The following SRRM4 variants were observed in gnomAD, a reference collection of about 807,000 sequenced individuals.
SRRM4 encodes the protein serine/arginine repetitive matrix protein 4.
Under a neutral mutation model 68.9 loss-of-function variants are expected in SRRM4, and 33 were observed. The ratio of observed to expected loss-of-function variants is 0.48; its 90% CI spans 0.36 to 0.64. The LOEUF (loss-of-function observed/expected upper bound fraction) is 0.64, where lower values mean the gene tolerates loss of function less well. Among genes scored for constraint, SRRM4 ranks in the 30% least tolerant of loss-of-function variants. The pLI is 0.00. For synonymous variants in SRRM4, 318 were observed against 318.8 expected (o/e 1.00, Z 0.03); for missense variants, 817 against 827.1 (o/e 0.99, Z 0.15).
intron 1 of SRRM4, among the ~76,000 whole-genome samples, chr12:119,067,139 C>T (rs1476511746): frequency 7.7e-6 from 1 of 129,240 alleles, no homozygotes; most frequent in African/African-American, 2.8e-5. Context: ...CCAAATTATC[C>T]ACTTTCCTTC....
chr12:119,047,306 A>C (rs1011125294), intron 1 of SRRM4, among the ~76,000 whole-genome samples: 10 of 152,188 alleles, frequency 6.6e-5, no homozygotes, highest in African/African-American at 2.4e-4. Flanking sequence ...TAAAAGATTA[A>C]TCATTTCTTT....
intron 1 of SRRM4, among the ~76,000 whole-genome samples, chr12:119,021,783 T>C (rs528070745): frequency 1.3e-5 from 2 of 152,382 alleles, no homozygotes; most frequent in East Asian, 3.9e-4. Context: ...GGCTGCATAG[T>C]ATTCCATGGT....
rs201605465 is a variant in SRRM4, at chr12:119,056,805, CAT to C, written c.132-45428_132-45427del. Among the ~76,000 whole-genome samples the C allele has an allele frequency of 7.8e-3, 1,184 of 152,202 alleles. 10 individuals are homozygous for C. The highest frequency in any genetic ancestry group is 0.017 in the Middle Eastern group (5 of 294). On this transcript the variant is annotated intron_variant, in intron 1 of 12. Coordinates refer to ENST00000267260, the MANE Select transcript of SRRM4 (RefSeq NM_194286.4). Reference sequence around the variant, plus strand: ...TGCACATATCACAAATATAATTACACATATTTTTTCCCAGAGCACTTATTTAT... The same window carrying C: ...TGCACATATCACAAATATAATTACACATTTTTTCCCAGAGCACTTATTTAT...
At chr12:119,055,778 A>G (rs1953772313) in intron 1 of SRRM4, among the ~76,000 whole-genome samples, 1 of 152,204 alleles carries the variant, frequency 6.6e-6, no homozygotes, top group South Asian at 2.1e-4. Flanking sequence ...AACCTCTCTG[A>G]ACTTCAGTTT....
In SRRM4 at chr12:119,089,788, T is replaced by C. The variant is rs148624384; in HGVS notation, c.132-12448T>C. Among the ~76,000 whole-genome samples, 647 of 152,216 alleles carry C rather than the reference T, an allele frequency of 4.3e-3. 3 individuals carry two copies. The highest frequency in any genetic ancestry group is 0.017 in the Middle Eastern group (5 of 294). On this transcript the variant is annotated intron_variant, in intron 1 of 12. Coordinates refer to ENST00000267260, the MANE Select transcript of SRRM4 (RefSeq NM_194286.4). Reference sequence around the variant, plus strand: ...TCATCCTCACCATTATTACCATGACTATCATCATCAGTAACATTATCACCA... The same window carrying C: ...TCATCCTCACCATTATTACCATGACCATCATCATCAGTAACATTATCACCA...
At chr12:119,038,207 C>CT (rs34123754) in intron 1 of SRRM4, among the ~76,000 whole-genome samples, 116,033 of 142,572 alleles carry the variant, frequency 0.81, 47,693 homozygotes, top group Middle Eastern at 0.94. Flanking sequence ...AAATTAAAAA[C>CT]TTTTTTTTTT....
chr12:119,156,601 C>G lies in SRRM4; in HGVS notation c.1639C>G (p.Arg547Gly). The change falls in exon 13 of 13, where the codon CGC becomes GGC. Residue 547 changes from arginine (R) to glycine (G), a missense_variant. Coordinates refer to ENST00000267260, the MANE Select transcript of SRRM4 (RefSeq NM_194286.4). ...CAGCAGCAGTAGCCGCTCGGCCAGC[C>G]GCAGCTACTCCCGGAGCCGGAGTCG... is the stretch of plus-strand genomic sequence containing the variant. ...YSSSSSRSASRSYSRSRSRSR... is the reference protein window; with the variant it reads ...YSSSSSRSASGSYSRSRSRSR... 6.2e-7 allele frequency: 1 copy of G among 1,610,934 alleles called. No homozygotes were observed. Among genetic ancestry groups the G allele is most frequent in the Non-Finnish European group, 8.5e-7 (1 of 1,179,572 alleles).
intron 1 of SRRM4, among the ~76,000 whole-genome samples, chr12:119,011,133 A>T (rs769687489): frequency 1.3e-5 from 2 of 152,232 alleles, no homozygotes; most frequent in Non-Finnish European, 2.9e-5. Flanking sequence ...ATATTTAATA[A>T]AAAATGTTTT....
At position 118,982,675 on chromosome 12, in the gene SRRM4, T is replaced by A. The variant is rs1345173613; in HGVS notation, c.131+662T>A. 6.0e-3 allele frequency among the ~76,000 whole-genome samples: 572 copies of A among 94,760 alleles called. 2 individuals carry two copies. The highest frequency in any genetic ancestry group is 0.023 in the African/African-American group (540 of 23,218). 62.2% of individuals were successfully genotyped at this position (94,760 alleles called of 152,430 possible). Reference sequence around the variant, plus strand: ...CTTGGAAGAGTTTTATTTTGTTTTTTTTTGTTTTTTTTTTTTTTTTCCAAA... The same window carrying A: ...CTTGGAAGAGTTTTATTTTGTTTTTATTTGTTTTTTTTTTTTTTTTCCAAA... On this transcript the variant is annotated intron_variant, in intron 1 of 12. Coordinates refer to ENST00000267260, the MANE Select transcript of SRRM4 (RefSeq NM_194286.4).
At chr12:119,065,824 G>T (rs955273588) in intron 1 of SRRM4, among the ~76,000 whole-genome samples, 7 of 152,158 alleles carry the variant, frequency 4.6e-5, no homozygotes, top group African/African-American at 1.7e-4. Context: ...TGGATGGACA[G>T]ATAGATGGAT....
intron 9 of SRRM4, 96 bp from the exon 10 acceptor site, chr12:119,150,921 G>C (rs2136068577): frequency 2.7e-6 from 3 of 1,119,322 alleles, no homozygotes; most frequent in East Asian, 5.1e-5. Flanking sequence ...GGTTCTATGA[G>C]AGCACCACAG....
intron 1 of SRRM4, among the ~76,000 whole-genome samples, chr12:119,093,047 C>T (rs1014886299): frequency 6.6e-6 from 1 of 152,210 alleles, no homozygotes; most frequent in Non-Finnish European, 1.5e-5. Flanking sequence ...ACTCCCTCAT[C>T]ACTTTCAAGT....
At chr12:119,004,684 C>T (rs1953405207) in intron 1 of SRRM4, among the ~76,000 whole-genome samples, 1 of 151,884 alleles carries the variant, frequency 6.6e-6, no homozygotes, top group Admixed American at 6.6e-5. Context: ...AACAAGTCAG[C>T]CCGGCTGATA....
rs142009408 is a variant in SRRM4 at position 119,051,078 on chromosome 12, T to C, written c.132-51158T>C. Among the ~76,000 whole-genome samples, 477 of 152,286 alleles carry C rather than the reference T, an allele frequency of 3.1e-3. 1 individual carries two copies. The highest frequency in any genetic ancestry group is 0.011 in the African/African-American group (454 of 41,554). ...ATTTGGTAGTGGTTGGAGGTGTTTT[T>C]GGTTGTCACAACTGAGGGATTGCTA... On this transcript the variant is annotated intron_variant, in intron 1 of 12. Transcript: ENST00000267260.
At position 119,095,628 on chromosome 12, in the gene SRRM4, A is replaced by G. The variant is rs1358257943; in HGVS notation, c.132-6608A>G. Among the ~76,000 whole-genome samples the G allele has an allele frequency of 3.3e-5, 5 of 152,052 alleles. No individual in the cohort carries two copies. In the East Asian group the frequency reaches 7.7e-4, roughly 24 times the overall value. The stretch of plus-strand genomic sequence containing the variant: ...GCAATAAATGTCAGCGATGTCTCCA[A>G]TCTCCTGGCCAACTGCCATTTCTGT... On this transcript the variant is annotated intron_variant, in intron 1 of 12. Transcript: ENST00000267260.
intron 7 of SRRM4, among the ~76,000 whole-genome samples, chr12:119,129,872 A>AATGGATGG (rs112594447): frequency 0.095 from 13,048 of 136,862 alleles, 699 homozygotes; most frequent in Admixed American, 0.12. Context: ...TAGTTGGACA[A>AATGGATGG]ATGGATGGAT....
chr12:119,139,485 A>G (rs889519569), intron 8 of SRRM4, among the ~76,000 whole-genome samples: 1 of 152,192 alleles, frequency 6.6e-6, no homozygotes, highest in Non-Finnish European at 1.5e-5. Flanking sequence ...AAATGCTCCT[A>G]CCACCTGGAA....
intron 1 of SRRM4, among the ~76,000 whole-genome samples, chr12:119,066,139 G>C (rs922857132): frequency 6.6e-6 from 1 of 152,072 alleles, no homozygotes; most frequent in Non-Finnish European, 1.5e-5. Flanking sequence ...ATCATTTTTA[G>C]TCTCAGTCCT....
chr12:119,114,923 C>G (rs970904561), intron 3 of SRRM4, among the ~76,000 whole-genome samples: 3 of 151,904 alleles, frequency 2.0e-5, no homozygotes, highest in Non-Finnish European at 4.4e-5. Context: ...CTCGGCCTTC[C>G]AAAGTGCTGG....
Sources: gnomAD v4.1 joint callset for allele counts (sites outside exome capture counted in the v4.1 genomes callset) on GRCh38, gnomAD v4.1.1 for gene constraint, MANE v1.5 for transcripts, NCBI Gene and HGNC (gene_info 2026-07-23, HGNC 2026-07-21) for gene names.